Variants in IQCH observed in about 807,000 individuals in gnomAD.
IQCH encodes IQ domain-containing protein H.
Under a neutral mutation model 117.0 loss-of-function variants are expected in IQCH, and 98 were observed. The ratio of observed to expected loss-of-function variants is 0.84; its 90% confidence interval spans 0.71 to 0.99. The LOEUF is 0.99. Ranked by LOEUF, IQCH falls within the 50% of genes least tolerant of loss-of-function variation. The pLI is 0.00. For synonymous variants in IQCH, 412 were observed against 448.2 expected, an observed-to-expected ratio of 0.92 and a Z score of 1.02; for missense variants, 1,102 against 1,243.8, an observed-to-expected ratio of 0.89 and a Z score of 1.72.
At position 67,362,923 on chromosome 15, in the gene IQCH, T is replaced by G. The variant is rs1970196381; in HGVS notation, c.753+3038T>G. On this transcript the variant is annotated intron_variant, in intron 8 of 20. Coordinates refer to ENST00000335894, the MANE Select transcript of IQCH (RefSeq NM_001031715.3). Reference sequence around the variant, plus strand: ...AAATCTGGTGGGGGAATAAGCCTACTTCTTAAAAGGCACAGGGTGCCTCCC... The same window carrying G: ...AAATCTGGTGGGGGAATAAGCCTACGTCTTAAAAGGCACAGGGTGCCTCCC... Among the ~76,000 whole-genome samples the G allele has an allele frequency of 2.0e-5, 3 of 152,366 alleles. No homozygotes were observed. In the South Asian group the frequency reaches 6.2e-4, roughly 32 times the overall value.
chr15:67,306,370 G>T (rs1441027896), intron 4 of IQCH, among the ~76,000 whole-genome samples: 2 of 152,044 alleles, frequency 1.3e-5, no homozygotes, highest in Non-Finnish European at 2.9e-5. Context: ...AATTAGAAAG[G>T]CATCATCAAA....
At position 67,479,471 on chromosome 15, in the gene IQCH, CAAG is replaced by C. The variant is rs568501427; in HGVS notation, c.2799+3659_2799+3661del. Among the ~76,000 whole-genome samples, 202 of 152,252 alleles carry C rather than the reference CAAG, an allele frequency of 1.3e-3. No individual in the cohort carries two copies. The highest frequency in any genetic ancestry group is 4.7e-3 in the African/African-American group (197 of 41,564). On this transcript the variant is annotated intron_variant, in intron 18 of 20. Coordinates refer to ENST00000335894, the MANE Select transcript of IQCH (RefSeq NM_001031715.3). This position sits in a 1 kb window ranked among gnomAD's most constrained non-coding sequence, Gnocchi z 4.6. ...ATTTCTAAAATATTACCAACCCAGT[CAAG>C]AAGAATTCTGGAATCCATTTCCAAT... is the stretch of plus-strand genomic sequence containing the variant.
chr15:67,351,326 T>G (rs4522369), intron 6 of IQCH, among the ~76,000 whole-genome samples: 19 of 151,962 alleles, frequency 1.3e-4, no homozygotes, highest in African/African-American at 4.6e-4. Context: ...CATTTATGAG[T>G]GAGAACATAC....
chr15:67,266,422 C>T (rs1965672083), intron 3 of IQCH, among the ~76,000 whole-genome samples: 1 of 151,938 alleles, frequency 6.6e-6, no homozygotes, highest in Non-Finnish European at 1.5e-5. Context: ...TTTGGGAGGC[C>T]AAGGCGGGCG....
At chr15:67,297,753 T>C (rs1456619061) in intron 4 of IQCH, among the ~76,000 whole-genome samples, 1 of 152,152 alleles carries the variant, frequency 6.6e-6, no homozygotes, top group Non-Finnish European at 1.5e-5. Context: ...CCTAAACAGT[T>C]TCCCTCGTTT....
intron 16 of IQCH, among the ~76,000 whole-genome samples, chr15:67,437,711 A>G (rs1402105641): frequency 6.6e-6 from 1 of 152,202 alleles, no homozygotes; most frequent in Non-Finnish European, 1.5e-5. Context: ...AACAATCAAG[A>G]ATACAGGAAA....
chr15:67,261,164 T>C, intron 1 of IQCH, 108 bp from the exon 2 acceptor site: 2 of 704,112 alleles, frequency 2.8e-6, no homozygotes, highest in Non-Finnish European at 4.4e-6. Flanking sequence ...TAAAATCAGC[T>C]TTGTGTCTCT....
chr15:67,441,718 C>T (rs545832838), intron 16 of IQCH, among the ~76,000 whole-genome samples: 4 of 152,306 alleles, frequency 2.6e-5, no homozygotes, highest in African/African-American at 7.2e-5. Flanking sequence ...TCATCTCTCA[C>T]CTTATACAAA....
In IQCH at chr15:67,500,773, G is replaced by T; in HGVS notation, c.*27G>T. The T allele has an allele frequency of 8.0e-7, 1 of 1,243,206 alleles. No homozygotes were observed. The highest frequency in any genetic ancestry group is 1.1e-6 in the Non-Finnish European group (1 of 881,598). The allele number at this position is 1,243,206 out of a possible 1,614,324, so 77.0% of individuals were successfully genotyped here. A position where few individuals can be genotyped will look rare whatever the true frequency, so the allele number is the denominator to read the frequency against. ...CCTGGAATACAGTACATAACAATTT[G>T]GATCCCAGTCTGGAATAAAAAGGGC... is the stretch of plus-strand genomic sequence containing the variant. On this transcript the variant is annotated 3_prime_UTR_variant, in exon 21 of 21. Coordinates refer to ENST00000335894, the MANE Select transcript of IQCH (RefSeq NM_001031715.3). This position sits in a 1 kb window ranked among gnomAD's most constrained non-coding sequence, Gnocchi z 4.4.
chr15:67,262,914 C>T (rs1454684447), intron 2 of IQCH, among the ~76,000 whole-genome samples: 2 of 152,008 alleles, frequency 1.3e-5, no homozygotes, highest in African/African-American at 2.4e-5. Flanking sequence ...CCACAGGTCA[C>T]TCAAGCTTTG....
intron 10 of IQCH, among the ~76,000 whole-genome samples, chr15:67,379,518 A>T (rs1970849285): frequency 6.6e-6 from 1 of 152,212 alleles, no homozygotes; most frequent in Non-Finnish European, 1.5e-5. Flanking sequence ...ACAATTTGAG[A>T]ATCATTGGTA....
In IQCH at chr15:67,501,402, T is replaced by C. The variant is rs1324196192; in HGVS notation, c.*656T>C. 2.0e-5 allele frequency: 3 copies of C among 152,222 alleles called. No individual in the cohort carries two copies. Among genetic ancestry groups the C allele is most frequent in the Non-Finnish European group, 4.4e-5 (3 of 68,034 alleles). 9.4% of individuals were successfully genotyped at this position (152,222 alleles called of 1,614,324 possible). On this transcript the variant is annotated 3_prime_UTR_variant, in exon 21 of 21. Transcript: ENST00000335894. The surrounding 1 kb of genome is among the most constrained non-coding windows in gnomAD (Gnocchi z 5.2). ...GGCAGTATCTGCTCTTAGTTTAAGA[T>C]GGAGTGTAGCTCGAGCTCTGTAGCT...
At chr15:67,324,088 T>A (rs1303573411) in intron 4 of IQCH, among the ~76,000 whole-genome samples, 1 of 151,154 alleles carries the variant, frequency 6.6e-6, no homozygotes, top group Admixed American at 6.6e-5. Flanking sequence ...GGATTACAGG[T>A]ACCCACCACC....
At position 67,385,150 on chromosome 15, in the gene IQCH, T is replaced by A; in HGVS notation, c.1456+131T>A. On this transcript the variant is annotated intron_variant, in intron 11 of 20. Transcript: ENST00000335894. The surrounding 1 kb of genome is among the most constrained non-coding windows in gnomAD (Gnocchi z 4.6). ...ACAAGGAAAAAGCTCAGATGTTTAA[T>A]CTACTTACAGGGCAATTAAATGTTT... 1 of 554,692 alleles carries A rather than the reference T, an allele frequency of 1.8e-6. No individual in the cohort carries two copies. Among genetic ancestry groups the A allele is most frequent in the Non-Finnish European group, 3.2e-6 (1 of 307,836 alleles). The allele number at this position is 554,692 out of a possible 1,614,324, so 34.4% of individuals were successfully genotyped here. A position where few individuals can be genotyped will look rare whatever the true frequency, so the allele number is the denominator to read the frequency against.
Position 67,373,350 on chromosome 15 carries a change from CTCT to C in IQCH, c.1306-12_1306-10del, listed in dbSNP as rs745316525. 3 of 1,592,326 alleles carry C rather than the reference CTCT, an allele frequency of 1.9e-6. No individual in the cohort carries two copies. Among genetic ancestry groups the C allele is most frequent in the Non-Finnish European group, 2.6e-6 (3 of 1,160,750 alleles). ...TACAGCTTCCTGTCACTGATCAATG[CTCT>C]TCTTGATTTTTAGCATCTGGCAGCC... On this transcript the variant is annotated splice_polypyrimidine_tract_variant and intron_variant, in intron 9 of 20. Coordinates refer to ENST00000335894, the MANE Select transcript of IQCH (RefSeq NM_001031715.3).
chr15:67,410,117 G>C (rs2081409777), intron 14 of IQCH, among the ~76,000 whole-genome samples: 1 of 152,192 alleles, frequency 6.6e-6, no homozygotes, highest in Non-Finnish European at 1.5e-5. Context: ...ACAGTGATCA[G>C]AGCATTTGCT....
At chr15:67,362,117 T>TTA (rs1046452662) in intron 8 of IQCH, among the ~76,000 whole-genome samples, 5 of 146,024 alleles carry the variant, frequency 3.4e-5, no homozygotes, top group East Asian at 2.0e-4. Context: ...GATGTTAACT[T>TTA]TATATATATA....
At chr15:67,286,033 G>C (rs769303305) in intron 4 of IQCH, among the ~76,000 whole-genome samples, 2 of 152,048 alleles carry the variant, frequency 1.3e-5, no homozygotes, top group African/African-American at 4.8e-5. Flanking sequence ...GGGTACTATG[G>C]ATATTTTGAC....
chr15:67,358,158 CTT>C (rs71455547), intron 7 of IQCH, among the ~76,000 whole-genome samples: 14,418 of 52,748 alleles, frequency 0.27, 1,256 homozygotes, highest in East Asian at 0.46. Context: ...CACGCCTGGC[CTT>C]TTTTTTTTTT....
Sources: allele counts gnomAD v4.1 joint callset (sites outside exome capture counted in the v4.1 genomes callset), GRCh38; gene constraint gnomAD v4.1.1; non-coding constraint Gnocchi (gnomAD v3.1); transcripts MANE v1.5; gene names NCBI Gene and HGNC (gene_info 2026-07-23, HGNC 2026-07-21).